ARHGAP32: variants seen among roughly 807,000 people sequenced by gnomAD.
ARHGAP32 encodes the protein Rho GTPase activating protein 32.
ARHGAP32 carries 51 observed loss-of-function variants against 186.5 expected under a neutral mutation model. That is an observed-to-expected ratio of 0.27 (90% CI 0.22 to 0.35). ARHGAP32 has a LOEUF of 0.35. Ranked by LOEUF, ARHGAP32 falls within the 10% of genes least tolerant of loss-of-function variation. ARHGAP32 has a pLI of 1.00. For missense variants in ARHGAP32, 2,186 were observed against 2,623.5 expected, an observed-to-expected ratio of 0.83 and a Z score of 3.64; for synonymous variants, 950 against 964.3, an observed-to-expected ratio of 0.99 and a Z score of 0.27.
intron 2 of ARHGAP32, among the ~76,000 whole-genome samples, chr11:129,145,519 G>GT (rs1234598877): frequency 6.6e-6 from 1 of 151,884 alleles, no homozygotes; most frequent in African/African-American, 2.4e-5. Context: ...GTTTCATGTA[G>GT]TTTTTTCCTT....
At chr11:128,991,415 T>C (rs990040231) in intron 12 of ARHGAP32, among the ~76,000 whole-genome samples, 67 of 152,074 alleles carry the variant, frequency 4.4e-4, no homozygotes, top group African/African-American at 1.6e-3. Context: ...TAAACTTGAA[T>C]CTTGAAGAAA....
chr11:129,166,033 CA>C (rs915028233), intron 1 of ARHGAP32, among the ~76,000 whole-genome samples: 1 of 151,828 alleles, frequency 6.6e-6, no homozygotes, highest in Admixed American at 6.6e-5. Flanking sequence ...TGAATTTCAA[CA>C]GAGAATTGGA....
intron 1 of ARHGAP32, among the ~76,000 whole-genome samples, chr11:129,191,037 A>T (rs1046331346): frequency 5.9e-5 from 9 of 152,218 alleles, no homozygotes; most frequent in Admixed American, 5.9e-4. Context: ...GGTTATCAAG[A>T]GTTCCCAATA....
Position 129,172,051 on chromosome 11 carries a change from G to A in ARHGAP32, c.117-7624C>T, listed in dbSNP as rs953890605. 2.6e-5 allele frequency among the ~76,000 whole-genome samples: 4 copies of A among 152,170 alleles called. No individual in the cohort carries two copies. The South Asian group carries it at 8.3e-4, about 32-fold the overall frequency. Reference sequence around the variant, plus strand: ...CTGAGACTGCTGAAGCTGCTTATCAGTTCAAGGAGTTTTTGGGCTGAGATG... The same window carrying A: ...CTGAGACTGCTGAAGCTGCTTATCAATTCAAGGAGTTTTTGGGCTGAGATG... On this transcript the variant is annotated intron_variant, in intron 1 of 22. Transcript: ENST00000682385.
chr11:129,258,892 T>C (rs1945288783), intron 1 of ARHGAP32, among the ~76,000 whole-genome samples: 4 of 152,184 alleles, frequency 2.6e-5, no homozygotes, highest in Admixed American at 2.6e-4. Flanking sequence ...TTTTCCCATC[T>C]TACCCCTATC....
At chr11:129,003,224 C>T (rs1937613201) in intron 11 of ARHGAP32, among the ~76,000 whole-genome samples, 2 of 152,190 alleles carry the variant, frequency 1.3e-5, no homozygotes, top group African/African-American at 2.4e-5. Flanking sequence ...ATCCTTGCAT[C>T]CCTGGGATAA....
At chr11:129,079,892 G>A (rs976753841) in intron 6 of ARHGAP32, among the ~76,000 whole-genome samples, 4 of 152,038 alleles carry the variant, frequency 2.6e-5, no homozygotes, top group African/African-American at 9.7e-5. Flanking sequence ...TAAACTTAAG[G>A]TAAAGGGGTA....
At chr11:129,171,124 G>A (rs567360511) in intron 1 of ARHGAP32, among the ~76,000 whole-genome samples, 14 of 152,256 alleles carry the variant, frequency 9.2e-5, no homozygotes, top group Admixed American at 5.2e-4. Flanking sequence ...CAGGTTGCCT[G>A]TTCACTCTGA....
At chr11:129,274,401 TG>T (rs1372578734) in intron 1 of ARHGAP32, among the ~76,000 whole-genome samples, 1 of 152,188 alleles carries the variant, frequency 6.6e-6, no homozygotes, top group Non-Finnish European at 1.5e-5. Context: ...CCTGGTTTTG[TG>T]GAAGAGCCCT....
chr11:129,268,928 CT>C (rs1194065855), intron 1 of ARHGAP32, among the ~76,000 whole-genome samples: 1 of 152,104 alleles, frequency 6.6e-6, no homozygotes, highest in Non-Finnish European at 1.5e-5. Context: ...CAGCAGGAGC[CT>C]AGACAAAGCC....
Position 128,986,040 on chromosome 11 carries a change from G to A in ARHGAP32, c.1489C>T (p.His497Tyr), listed in dbSNP as rs1230881406. ...ATDEERLIKI[H>Y]DVIQQLPPPH... The stretch of plus-strand genomic sequence containing the variant: ...GGGGGGAGCTGCTGGATGACATCGT[G>A]GATTTTTATCAGCCTTTCTTCATCT... The change falls in exon 15 of 23, where the codon CAC (histidine) becomes TAC (tyrosine). Residue 497 changes from histidine (H) to tyrosine (Y), a missense_variant. Coordinates refer to ENST00000682385, the MANE Select transcript of ARHGAP32 (RefSeq NM_001378024.1). The A allele has an allele frequency of 1.2e-6, 2 of 1,607,684 alleles. No individual in the cohort carries two copies. The highest frequency in any genetic ancestry group is 1.3e-5 in the African/African-American group (1 of 74,268).
At chr11:129,096,705 A>G (rs959420167) in intron 5 of ARHGAP32, among the ~76,000 whole-genome samples, 6 of 152,180 alleles carry the variant, frequency 3.9e-5, no homozygotes, top group East Asian at 3.9e-4. Flanking sequence ...ACAAATAGCT[A>G]TGTGTCCATT....
chr11:129,026,824 G>T (rs1297129812), intron 11 of ARHGAP32, among the ~76,000 whole-genome samples: 4 of 144,168 alleles, frequency 2.8e-5, no homozygotes, highest in East Asian at 4.0e-4. Context: ...AAAAGGCCAG[G>T]TGCAGTGGCT....
At chr11:129,138,310 AAAAAAG>A (rs1484766455) in intron 2 of ARHGAP32, among the ~76,000 whole-genome samples, 1 of 115,976 alleles carries the variant, frequency 8.6e-6, no homozygotes. Flanking sequence ...AAAAAAAAAA[AAAAAAG>A]AACAATGCCG....
chr11:129,075,624 G>T (rs1032228479), intron 6 of ARHGAP32, among the ~76,000 whole-genome samples: 1 of 151,784 alleles, frequency 6.6e-6, no homozygotes, highest in Non-Finnish European at 1.5e-5. Flanking sequence ...TAAGAAAATA[G>T]TTGACTTAAC....
intron 2 of ARHGAP32, 115 bp from the exon 3 acceptor site, chr11:129,125,009 C>G: frequency 1.7e-6 from 1 of 593,554 alleles, no homozygotes; most frequent in Non-Finnish European, 2.8e-6. Flanking sequence ...CAAAATATAT[C>G]TTGGTTTAAT....
chr11:129,024,613 G>A (rs1169686938), intron 11 of ARHGAP32, among the ~76,000 whole-genome samples: 1 of 151,984 alleles, frequency 6.6e-6, no homozygotes, highest in Non-Finnish European at 1.5e-5. Flanking sequence ...AAAATTCTAA[G>A]ACAATCTCTT....
Position 128,969,070 on chromosome 11 carries a change from T to C in ARHGAP32, c.6143A>G (p.Gln2048Arg). The part of the protein sequence containing the change: ...DNLEDYHSLP[Q>R]HQRGVFGGGG... Reference sequence around the variant, plus strand: ...CCCTCCAAAGACTCCTCGCTGGTGCTGAGGCAGGGAGTGGTAATCTTCCAG... The same window carrying C: ...CCCTCCAAAGACTCCTCGCTGGTGCCGAGGCAGGGAGTGGTAATCTTCCAG... Residue 2048 changes from glutamine to arginine, a missense_variant, in exon 23 of 23, where the codon CAG (glutamine) becomes CGG (arginine). Coordinates refer to ENST00000682385, the MANE Select transcript of ARHGAP32 (RefSeq NM_001378024.1). This position sits in a 1 kb window ranked among gnomAD's most constrained non-coding sequence, Gnocchi z 4.8. 1 of 1,611,368 alleles carries C rather than the reference T, an allele frequency of 6.2e-7. No homozygotes were observed. The highest frequency in any genetic ancestry group is 8.5e-7 in the Non-Finnish European group (1 of 1,178,276).
intron 12 of ARHGAP32, among the ~76,000 whole-genome samples, chr11:128,990,506 T>G (rs1417157180): frequency 6.6e-6 from 1 of 152,204 alleles, no homozygotes; most frequent in East Asian, 1.9e-4. Context: ...AGTTTTCATA[T>G]GAATACATTT....
Sources: gnomAD v4.1 joint callset for allele counts (sites outside exome capture counted in the v4.1 genomes callset) on GRCh38, gnomAD v4.1.1 for gene constraint, Gnocchi (gnomAD v3.1) non-coding constraint, MANE v1.5 for transcripts, NCBI Gene and HGNC (gene_info 2026-07-23, HGNC 2026-07-21) for gene names.